RGS7: variants seen among roughly 807,000 people sequenced by gnomAD.
RGS7 encodes the protein regulator of G-protein signaling 7.
A neutral mutation model predicts 81.1 loss-of-function variants in RGS7; 27 were observed. That is an observed-to-expected ratio of 0.33 (90% CI 0.25 to 0.46). The LOEUF (loss-of-function observed/expected upper bound fraction) is 0.46. Among genes scored for constraint, RGS7 ranks in the 20% least tolerant of loss-of-function variants. The pLI is 1.00. For synonymous variants in RGS7, 208 were observed against 207.7 expected (o/e 1.00, Z -0.01); for missense variants, 396 against 607.4 (o/e 0.65, Z 3.66).
intron 3 of RGS7, among the ~76,000 whole-genome samples, chr1:240,985,630 T>C (rs1049368960): frequency 6.6e-6 from 1 of 152,188 alleles, no homozygotes; most frequent in African/African-American, 2.4e-5. Context: ...GCAGATGCTG[T>C]AGTAGTTTTT....
chr1:241,257,682 C>T (rs1420671199), intron 2 of RGS7, among the ~76,000 whole-genome samples: 3 of 152,126 alleles, frequency 2.0e-5, no homozygotes, highest in African/African-American at 7.2e-5. Flanking sequence ...TCTTTCTCCA[C>T]CTTCTCTTTT....
Position 240,868,608 on chromosome 1 carries a change from G to T in RGS7, c.588C>A (p.Phe196Leu). The T allele has an allele frequency of 6.2e-7, 1 of 1,614,154 alleles. No individual in the cohort carries two copies. The highest frequency in any genetic ancestry group is 8.5e-7 in the Non-Finnish European group (1 of 1,180,014). The change falls in exon 9 of 19, where the codon TTC (phenylalanine) becomes TTA (leucine). Residue 196 changes from phenylalanine (F) to leucine (L), a missense_variant. Phe to Leu is a conservative substitution (Grantham distance 22, BLOSUM62 0). Coordinates refer to ENST00000440928, the MANE Select transcript of RGS7 (RefSeq NM_001364886.1). The surrounding 1 kb of genome is among the most constrained non-coding windows in gnomAD (Gnocchi z 5.1). Reference protein sequence around the residue: ...RKILDSQERAFWDVHRPVPGC... With the variant: ...RKILDSQERALWDVHRPVPGC... ...TTACCACGGGCCTGTGCACGTCCCA[G>T]AACGCTCTCTCTTGGCTGTCAAGGA... is the stretch of plus-strand genomic sequence containing the variant.
At chr1:240,908,272 A>C (rs1012120820) in intron 6 of RGS7, among the ~76,000 whole-genome samples, 5 of 152,084 alleles carry the variant, frequency 3.3e-5, no homozygotes. Context: ...GGGTGCAGTG[A>C]ACCAACATGG....
Position 240,944,304 on chromosome 1 carries a change from A to C in RGS7, c.227-7598T>G, listed in dbSNP as rs796479719. ...TGTGTATATATATATATATATATATATATATATATATATATATATATATAT... is the reference window on the plus strand; with the variant it reads ...TGTGTATATATATATATATATATATCTATATATATATATATATATATATAT... On this transcript the variant is annotated intron_variant, in intron 4 of 18. Coordinates refer to ENST00000440928, the MANE Select transcript of RGS7 (RefSeq NM_001364886.1). 1.8e-4 allele frequency among the ~76,000 whole-genome samples: 22 copies of C among 124,980 alleles called. 1 individual carries two copies. Among genetic ancestry groups the C allele is most frequent in the Admixed American group, 5.5e-4 (7 of 12,616 alleles). 82.0% of individuals were successfully genotyped at this position (124,980 alleles called of 152,430 possible).
At chr1:241,219,047 T>A (rs1290061932) in intron 2 of RGS7, among the ~76,000 whole-genome samples, 1 of 152,156 alleles carries the variant, frequency 6.6e-6, no homozygotes, top group Non-Finnish European at 1.5e-5. Context: ...GTTCACCCAC[T>A]GTCAGGAGCT....
intron 2 of RGS7, among the ~76,000 whole-genome samples, chr1:241,194,648 G>C (rs2072933374): frequency 1.3e-5 from 2 of 152,182 alleles, no homozygotes; most frequent in Non-Finnish European, 2.9e-5. Flanking sequence ...ATGGAGATCA[G>C]TTTATTTTGC....
intron 6 of RGS7, among the ~76,000 whole-genome samples, chr1:240,910,433 G>A (rs1331712663): frequency 6.6e-6 from 1 of 152,168 alleles, no homozygotes; most frequent in Non-Finnish European, 1.5e-5. Flanking sequence ...ACTAGAGGCT[G>A]GGATAGGCAG....
In RGS7 at chr1:241,158,193, A is replaced by AATAGC. The variant is rs374753525; in HGVS notation, c.79-59436_79-59432dup. Reference sequence around the variant, plus strand: ...TTGTCTATAGCTGCTTTTGATCCACAATAGCATAGTTGGGAAGTTGTGACA... The same window carrying AATAGC: ...TTGTCTATAGCTGCTTTTGATCCACAATAGCATAGCATAGTTGGGAAGTTGTGACA... On this transcript the variant is annotated intron_variant, in intron 2 of 18. Coordinates refer to ENST00000440928, the MANE Select transcript of RGS7 (RefSeq NM_001364886.1). Among the ~76,000 whole-genome samples the AATAGC allele has an allele frequency of 2.9e-3, 449 of 152,238 alleles. 7 individuals carry two copies. The highest frequency in any genetic ancestry group is 0.01 in the African/African-American group (429 of 41,534).
rs138735228 is a variant in RGS7, at chr1:240,973,316, T to C, written c.226+9763A>G. ...GGCAGATCACCTGAGGTCAGGAGTT[T>C]GAGACCAACTTGGCCAACATGGTGA... On this transcript the variant is annotated intron_variant, in intron 4 of 18. Transcript: ENST00000440928. 9.2e-3 allele frequency among the ~76,000 whole-genome samples: 1,401 copies of C among 152,024 alleles called. 25 individuals are homozygous for C. Among genetic ancestry groups the C allele is most frequent in the African/African-American group, 0.031 (1,306 of 41,496 alleles).
chr1:241,004,797 G>T (rs1452905538), intron 3 of RGS7, among the ~76,000 whole-genome samples: 2 of 152,132 alleles, frequency 1.3e-5, no homozygotes, highest in African/African-American at 4.8e-5. Context: ...AGGACCTACA[G>T]TCCAACAAGG....
chr1:241,235,668 CTCTCTCTCTT>C (rs2075912800), intron 2 of RGS7, among the ~76,000 whole-genome samples: 1 of 76,914 alleles, frequency 1.3e-5, no homozygotes, highest in Non-Finnish European at 2.9e-5. Context: ...CTTTCTCTTT[CTCTCTCTCTT>C]TCTTTCTCTC....
Position 241,267,133 on chromosome 1 carries a change from C to T in RGS7, c.78+88566G>A, listed in dbSNP as rs533507977. 2.6e-5 allele frequency among the ~76,000 whole-genome samples: 4 copies of T among 152,314 alleles called. No individual in the cohort carries two copies. In the South Asian group the frequency reaches 6.2e-4, roughly 24 times the overall value. The stretch of plus-strand genomic sequence containing the variant: ...TGCCGTGAGATTGGGTGTCTTACTT[C>T]AGGATCCTAGCTCCGTCTCTCTCAG... On this transcript the variant is annotated intron_variant, in intron 2 of 18. Coordinates refer to ENST00000440928, the MANE Select transcript of RGS7 (RefSeq NM_001364886.1).
intron 2 of RGS7, among the ~76,000 whole-genome samples, chr1:241,306,444 C>CCA (rs1038002210): frequency 6.7e-6 from 1 of 149,782 alleles, no homozygotes; most frequent in African/African-American, 2.5e-5. Flanking sequence ...ACACACACCC[C>CCA]CACACAGGCA....
At chr1:241,325,288 A>G (rs1254572623) in intron 2 of RGS7, among the ~76,000 whole-genome samples, 1 of 152,210 alleles carries the variant, frequency 6.6e-6, no homozygotes, top group Non-Finnish European at 1.5e-5. Flanking sequence ...ACCCTTTTCA[A>G]TGAATTCTTA....
chr1:240,857,009 T>C (rs74572923), intron 9 of RGS7, among the ~76,000 whole-genome samples: 215 of 152,304 alleles, frequency 1.4e-3, no homozygotes, highest in African/African-American at 4.9e-3. Context: ...CTTGTCTATA[T>C]GGCATACAAA....
chr1:241,171,339 C>T (rs1481314615), intron 2 of RGS7, among the ~76,000 whole-genome samples: 2 of 152,244 alleles, frequency 1.3e-5, no homozygotes, highest in East Asian at 3.9e-4. Context: ...AATTTCTCAG[C>T]ATAATTCCAT....
intron 14 of RGS7, among the ~76,000 whole-genome samples, chr1:240,808,910 T>TGGC (rs5782163): frequency 4.0e-5 from 6 of 151,510 alleles, no homozygotes; most frequent in Non-Finnish European, 5.9e-5. Context: ...ATCCTTTATA[T>TGGC]AGGTGGAAGC....
intron 2 of RGS7, among the ~76,000 whole-genome samples, chr1:241,129,935 T>A (rs1441456852): frequency 6.6e-6 from 1 of 152,166 alleles, no homozygotes; most frequent in African/African-American, 2.4e-5. Flanking sequence ...TTTCAAGAAT[T>A]CCTATTACTT....
intron 2 of RGS7, among the ~76,000 whole-genome samples, chr1:241,259,667 A>AAAAAAAAAAAATATATATATAT: frequency 2.6e-4 from 13 of 49,136 alleles, no homozygotes; most frequent in African/African-American, 1.0e-3. Context: ...AAAAAAAAAA[A>AAAAAAAAAAAATATATATATAT]ATATATATAT....
Sources: gnomAD v4.1 joint callset for allele counts (sites outside exome capture counted in the v4.1 genomes callset) on GRCh38, gnomAD v4.1.1 for gene constraint, Gnocchi (gnomAD v3.1) non-coding constraint, MANE v1.5 for transcripts, NCBI Gene and HGNC (gene_info 2026-07-23, HGNC 2026-07-21) for gene names.